Variants in CBLB observed in about 807,000 individuals in gnomAD.
CBLB encodes E3 ubiquitin-protein ligase CBL-B.
CBLB carries 31 observed loss-of-function variants against 104.9 expected under a neutral mutation model. The ratio of observed to expected loss-of-function variants is 0.30; its 90% confidence interval spans 0.22 to 0.40. CBLB has a LOEUF of 0.40. Ranked by LOEUF, CBLB falls within the 10% of genes least tolerant of loss-of-function variation. CBLB has a pLI of 1.00. For synonymous variants in CBLB, 440 were observed against 422.6 expected, an observed-to-expected ratio of 1.04 and a Z score of -0.51; for missense variants, 1,062 against 1,214.6, an observed-to-expected ratio of 0.87 and a Z score of 1.87.
At chr3:105,729,887 A>G (rs1576671471) in intron 9 of CBLB, among the ~76,000 whole-genome samples, 1 of 152,136 alleles carries the variant, frequency 6.6e-6, no homozygotes, top group Non-Finnish European at 1.5e-5. Context: ...ATTCCTGTTC[A>G]TGCAATAATA....
chr3:105,769,741 A>G (rs1481965387), intron 4 of CBLB, among the ~76,000 whole-genome samples: 1 of 152,246 alleles, frequency 6.6e-6, no homozygotes, highest in Non-Finnish European at 1.5e-5. Flanking sequence ...AAGCCAGCGA[A>G]AAAGTTTCTA....
chr3:105,831,540 G>C (rs2087520598), intron 3 of CBLB, among the ~76,000 whole-genome samples: 1 of 152,202 alleles, frequency 6.6e-6, no homozygotes, highest in African/African-American at 2.4e-5. Context: ...GCTAAAAAAT[G>C]CTCAAGTTCT....
intron 18 of CBLB, among the ~76,000 whole-genome samples, chr3:105,661,921 A>G (rs555309171): frequency 1.3e-5 from 2 of 152,224 alleles, no homozygotes; most frequent in Non-Finnish European, 2.9e-5. Context: ...ATTTATAATG[A>G]TAAGTGCTAT....
intron 9 of CBLB, among the ~76,000 whole-genome samples, chr3:105,733,744 T>C (rs1212168239): frequency 6.6e-6 from 1 of 152,066 alleles, no homozygotes; most frequent in Non-Finnish European, 1.5e-5. Context: ...TAGTTGGTAA[T>C]ACCTATAAGT....
intron 8 of CBLB, among the ~76,000 whole-genome samples, chr3:105,735,088 T>C (rs1396593826): frequency 1.3e-5 from 2 of 152,222 alleles, no homozygotes; most frequent in Non-Finnish European, 2.9e-5. Context: ...GTGACTACAA[T>C]GTGCCTGGCA....
chr3:105,704,207 A>G, intron 10 of CBLB, 34 bp from the exon 11 acceptor site: 2 of 1,590,852 alleles, frequency 1.3e-6, no homozygotes, highest in Non-Finnish European at 1.7e-6. Context: ...GCCGCTGTTT[A>G]TTAGCTGTGC....
At chr3:105,659,534 T>G (rs1370832619) in intron 18 of CBLB, among the ~76,000 whole-genome samples, 1 of 152,082 alleles carries the variant, frequency 6.6e-6, no homozygotes, top group Non-Finnish European at 1.5e-5. Flanking sequence ...AAAAAATAAT[T>G]AAAATAACTA....
intron 2 of CBLB, among the ~76,000 whole-genome samples, chr3:105,854,088 GTTAA>G (rs994499193): frequency 2.6e-5 from 4 of 152,068 alleles, no homozygotes; most frequent in African/African-American, 9.7e-5. Flanking sequence ...CTCATAGTTT[GTTAA>G]TTAGCGTTTT....
chr3:105,673,772 C>A (rs1576223418), intron 17 of CBLB: 1 of 152,162 alleles, frequency 6.6e-6, no homozygotes, highest in Admixed American at 6.5e-5. Context: ...AATTTTCATT[C>A]TTAACATTTC....
intron 7 of CBLB, among the ~76,000 whole-genome samples, chr3:105,739,049 C>T (rs943658282): frequency 4.6e-5 from 7 of 151,960 alleles, no homozygotes; most frequent in African/African-American, 7.2e-5. Flanking sequence ...CGAGGACTAC[C>T]GTCACGCGCC....
intron 3 of CBLB, among the ~76,000 whole-genome samples, chr3:105,780,303 A>T (rs1190261788): frequency 6.6e-6 from 1 of 152,202 alleles, no homozygotes; most frequent in African/African-American, 2.4e-5. Flanking sequence ...TAATTTTTCC[A>T]TACTTAGCCA....
At chr3:105,736,545 A>G (rs1243801899) in intron 8 of CBLB, among the ~76,000 whole-genome samples, 1 of 152,160 alleles carries the variant, frequency 6.6e-6, no homozygotes, top group Non-Finnish European at 1.5e-5. Flanking sequence ...TATTTAATCT[A>G]TTACTAAAGT....
chr3:105,765,028 A>G (rs2078065407), intron 4 of CBLB, among the ~76,000 whole-genome samples: 1 of 152,220 alleles, frequency 6.6e-6, no homozygotes, highest in African/African-American at 2.4e-5. Flanking sequence ...GGGTTTAAGA[A>G]AAGAAGCTCT....
At chr3:105,669,189 C>G (rs1286785161) in intron 18 of CBLB, among the ~76,000 whole-genome samples, 1 of 152,044 alleles carries the variant, frequency 6.6e-6, no homozygotes, top group Non-Finnish European at 1.5e-5. Flanking sequence ...AATGTCTGTC[C>G]CCTTTTCCCT....
At chr3:105,668,224 G>A (rs919028533) in intron 18 of CBLB, among the ~76,000 whole-genome samples, 4 of 152,080 alleles carry the variant, frequency 2.6e-5, no homozygotes, top group African/African-American at 7.2e-5. Context: ...ATGGCTATTC[G>A]GGGATATTTC....
At chr3:105,762,576 C>T (rs754137729) in intron 4 of CBLB, among the ~76,000 whole-genome samples, 23 of 152,230 alleles carry the variant, frequency 1.5e-4, no homozygotes, top group Non-Finnish European at 5.9e-5. Flanking sequence ...GTGTTTGAGC[C>T]TGCAGGTGCA....
intron 12 of CBLB, among the ~76,000 whole-genome samples, chr3:105,695,601 C>A (rs930086625): frequency 6.6e-6 from 1 of 151,784 alleles, no homozygotes; most frequent in Admixed American, 6.6e-5. Context: ...TTTTTTGAAA[C>A]AATCCATTAA....
chr3:105,745,399 C>T (rs191321195), intron 6 of CBLB, among the ~76,000 whole-genome samples: 112 of 152,206 alleles, frequency 7.4e-4, no homozygotes, highest in African/African-American at 8.9e-4. Context: ...TAATAAAACA[C>T]GAGGCATTAT....
chr3:105,702,447 T>C lies in CBLB; in HGVS notation c.1606A>G (p.Met536Val), dbSNP rs772523760. The change falls in exon 12 of 19, where the codon ATG becomes GTG. Residue 536 changes from methionine (M) to valine (V), a missense_variant. Physicochemically the swap from Met to Val is conservative, Grantham distance 21. Around this residue, in one of 2 missense-constraint regions of CBLB, gnomAD observed 605 missense variants for 582.6 expected, o/e 1.04. Coordinates refer to ENST00000394030, the MANE Select transcript of CBLB (RefSeq NM_170662.5). ...PTGSPKSSPCMVRKQDKPLPA... is the reference protein window; with the variant it reads ...PTGSPKSSPCVVRKQDKPLPA... Reference sequence around the variant, plus strand: ...AGTGGTTTATCTTGTTTTCTCACCATGCAAGGAGAAGACTAAAGAAACAGA... The same window carrying C: ...AGTGGTTTATCTTGTTTTCTCACCACGCAAGGAGAAGACTAAAGAAACAGA... The C allele has an allele frequency of 1.8e-5, 10 of 564,444 alleles. No homozygotes were observed. Among genetic ancestry groups the C allele is most frequent in the Non-Finnish European group, 3.0e-5 (10 of 331,638 alleles). 35.0% of individuals were successfully genotyped at this position (564,444 alleles called of 1,614,324 possible).
Sources: gnomAD v4.1 joint callset for allele counts (sites outside exome capture counted in the v4.1 genomes callset) on GRCh38, gnomAD v4.1.1 for gene constraint, gnomAD v4.1.1 regional missense constraint, MANE v1.5 for transcripts, NCBI Gene and HGNC (gene_info 2026-07-23, HGNC 2026-07-21) for gene names.